The following ANLN variants were observed in gnomAD, a reference collection of about 807,000 sequenced individuals.
ANLN encodes anillin.
A neutral mutation model predicts 135.1 loss-of-function variants in ANLN; 59 were observed. The observed-to-expected ratio is 0.44, with a 90% CI of 0.35 to 0.54. The LOEUF is 0.54. Among genes scored for constraint, ANLN ranks in the 20% least tolerant of loss-of-function variants. ANLN has a pLI of 0.00. For missense variants in ANLN, 1,182 were observed against 1,340.0 expected (o/e 0.88, Z 1.84); for synonymous variants, 406 against 456.4 (o/e 0.89, Z 1.41).
Position 36,426,043 on chromosome 7 carries a change from G to A in ANLN, c.2770+7G>A. The A allele has an allele frequency of 1.3e-6, 2 of 1,485,252 alleles. No homozygotes were observed. The highest frequency in any genetic ancestry group is 1.8e-6 in the Non-Finnish European group (2 of 1,112,852). The allele number at this position is 1,485,252 out of a possible 1,614,324, so 92.0% of individuals were successfully genotyped here. ...AGCAACATTCATTCTTCAGGTGAGT[G>A]TATCTTGAACTATTTGAAACTTTAG... On this transcript the variant is annotated splice_region_variant and intron_variant, in intron 19 of 23. Transcript: ENST00000265748.
intron 20 of ANLN, among the ~76,000 whole-genome samples, chr7:36,438,898 T>C (rs1583651893): frequency 6.6e-6 from 1 of 152,200 alleles, no homozygotes; most frequent in Non-Finnish European, 1.5e-5. Context: ...CAGTCTCTTA[T>C]TGAGTATATT....
At chr7:36,428,551 T>C (rs1244940780) in intron 20 of ANLN, among the ~76,000 whole-genome samples, 1 of 152,146 alleles carries the variant, frequency 6.6e-6, no homozygotes, top group Non-Finnish European at 1.5e-5. Context: ...TTTAAAACCT[T>C]CTTTGAAAGT....
intron 8 of ANLN, among the ~76,000 whole-genome samples, chr7:36,416,583 C>G (rs1583619115): frequency 1.3e-5 from 2 of 152,080 alleles, no homozygotes; most frequent in South Asian, 4.1e-4. Flanking sequence ...CCTTCTATTC[C>G]TAGTTTTTGA....
intron 17 of ANLN, among the ~76,000 whole-genome samples, chr7:36,425,240 GA>G (rs1788032347): frequency 1.3e-5 from 2 of 149,734 alleles, no homozygotes; most frequent in African/African-American, 4.9e-5. Context: ...TCATATTTAA[GA>G]ATTAATTACT....
At chr7:36,421,787 A>T in intron 12 of ANLN, 70 bp from the exon 13 acceptor site, 1 of 1,410,768 alleles carries the variant, frequency 7.1e-7, no homozygotes, top group Non-Finnish European at 9.6e-7. Flanking sequence ...AGTTAGTTAG[A>T]ATTAAAATTT....
chr7:36,432,647 A>G (rs1045348618), intron 20 of ANLN, among the ~76,000 whole-genome samples: 1 of 151,956 alleles, frequency 6.6e-6, no homozygotes, highest in Non-Finnish European at 1.5e-5. Context: ...CCATTTTGTT[A>G]TTTGTTTTCT....
chr7:36,390,316 C>G, intron 1 of ANLN: 1 of 527,040 alleles, frequency 1.9e-6, no homozygotes, highest in East Asian at 3.1e-5. Context: ...TTTCAGCCCC[C>G]GTTTTTACCA....
chr7:36,420,467 G>A lies in ANLN; in HGVS notation c.2016-130G>A, dbSNP rs905542766. Reference sequence around the variant, plus strand: ...TTAGCCTCTCTTTCACCAAATGAGAGTTCCATTCTGTTGTGAAATGTTCTG... The same window carrying A: ...TTAGCCTCTCTTTCACCAAATGAGAATTCCATTCTGTTGTGAAATGTTCTG... On this transcript the variant is annotated intron_variant, in intron 11 of 23. Transcript: ENST00000265748. The A allele has an allele frequency of 5.6e-6, 7 of 1,255,312 alleles. No homozygotes were observed. The South Asian group carries it at 7.2e-5, about 13-fold the overall frequency. 77.8% of individuals were successfully genotyped at this position (1,255,312 alleles called of 1,614,324 possible).
chr7:36,438,278 C>G, intron 20 of ANLN, among the ~76,000 whole-genome samples: 1 of 152,288 alleles, frequency 6.6e-6, no homozygotes. Flanking sequence ...TGGCAAAAAT[C>G]AGTTGGCCAT....
intron 19 of ANLN, among the ~76,000 whole-genome samples, chr7:36,426,687 G>T (rs915475536): frequency 1.3e-5 from 2 of 151,996 alleles, no homozygotes; most frequent in Non-Finnish European, 2.9e-5. Context: ...ACATTTTTAG[G>T]TCTATATCTT....
chr7:36,447,965 A>C (rs1789082519), intron 22 of ANLN, among the ~76,000 whole-genome samples: 1 of 151,720 alleles, frequency 6.6e-6, no homozygotes, highest in South Asian at 2.1e-4. Flanking sequence ...ACACACACAC[A>C]CCCCCTGCCA....
chr7:36,391,453 T>C (rs891726354), intron 1 of ANLN, among the ~76,000 whole-genome samples: 1 of 152,224 alleles, frequency 6.6e-6, no homozygotes, highest in African/African-American at 2.4e-5. Context: ...ACTTTACCTG[T>C]TTAGATCGTT....
intron 1 of ANLN, among the ~76,000 whole-genome samples, chr7:36,392,973 T>C (rs911349106): frequency 1.3e-5 from 2 of 152,110 alleles, no homozygotes; most frequent in African/African-American, 2.4e-5. Context: ...GATATAGCAA[T>C]TGAAAAATTA....
intron 21 of ANLN, among the ~76,000 whole-genome samples, chr7:36,443,084 T>C (rs1788843914): frequency 6.6e-6 from 1 of 152,166 alleles, no homozygotes; most frequent in South Asian, 2.1e-4. Context: ...CAAAACCAGA[T>C]GTTATTAGTT....
chr7:36,445,796 T>C (rs888486454), intron 22 of ANLN, among the ~76,000 whole-genome samples: 2 of 152,238 alleles, frequency 1.3e-5, no homozygotes, highest in Admixed American at 1.3e-4. Flanking sequence ...TTTTGTCAAA[T>C]GAGTCTCAAA....
chr7:36,394,370 A>G (rs1786606048), intron 1 of ANLN, among the ~76,000 whole-genome samples: 1 of 152,172 alleles, frequency 6.6e-6, no homozygotes, highest in Non-Finnish European at 1.5e-5. Flanking sequence ...GGTCCCCTTC[A>G]TCAAGAGGGG....
intron 3 of ANLN, among the ~76,000 whole-genome samples, chr7:36,402,732 T>A (rs1352550539): frequency 4.6e-5 from 7 of 152,174 alleles, no homozygotes; most frequent in Admixed American, 6.5e-5. Flanking sequence ...ACCTCTGCTT[T>A]CTATACATTT....
chr7:36,399,426 T>C (rs1427754402), intron 3 of ANLN, 33 bp downstream of exon 3: 1 of 1,507,016 alleles, frequency 6.6e-7, no homozygotes, highest in East Asian at 2.3e-5. Context: ...GGCCCATACA[T>C]CTGTTCCAAT....
rs1239315179 is a variant in ANLN at position 36,407,875 on chromosome 7, T to C, written c.1015T>C (p.Ser339Pro). Residue 339 changes from serine (S) to proline (P), a missense_variant, in exon 5 of 24, where the codon TCC (serine) becomes CCC (proline). This residue lies in a region of ANLN where 1,022 missense variants were observed against 1,134.0 expected (regional missense o/e 0.90). Coordinates refer to ENST00000265748, the MANE Select transcript of ANLN (RefSeq NM_018685.5). ...VSKPIVKSTLSQTVPSKGELS... is the reference protein window; with the variant it reads ...VSKPIVKSTLPQTVPSKGELS... Reference sequence around the variant, plus strand: ...GAAACCAATTGTGAAGTCAACTTTATCCCAGACAGTTCCATCCAAGGGAGA... The same window carrying C: ...GAAACCAATTGTGAAGTCAACTTTACCCCAGACAGTTCCATCCAAGGGAGA... 1 of 1,613,936 alleles carries C rather than the reference T, an allele frequency of 6.2e-7. No individual in the cohort carries two copies. Among genetic ancestry groups the C allele is most frequent in the Non-Finnish European group, 8.5e-7 (1 of 1,179,856 alleles).
Sources: gnomAD v4.1 joint callset for allele counts (sites outside exome capture counted in the v4.1 genomes callset) on GRCh38, gnomAD v4.1.1 for gene constraint, gnomAD v4.1.1 regional missense constraint, MANE v1.5 for transcripts, NCBI Gene and HGNC (gene_info 2026-07-23, HGNC 2026-07-21) for gene names.